The following RNF111 variants were observed in gnomAD, a reference collection of about 807,000 sequenced individuals.
The protein encoded by RNF111 is E3 ubiquitin-protein ligase Arkadia.
RNF111 carries 17 observed loss-of-function variants against 95.1 expected under a neutral mutation model. The observed-to-expected ratio is 0.18, with a 90% confidence interval of 0.12 to 0.27. The LOEUF (loss-of-function observed/expected upper bound fraction) is 0.27. Ranked by LOEUF, RNF111 falls within the 10% of genes least tolerant of loss-of-function variation. The pLI is 1.00. For missense variants in RNF111, 1,189 were observed against 1,210.4 expected (o/e 0.98, Z 0.26); for synonymous variants, 440 against 414.8 (o/e 1.06, Z -0.74).
chr15:59,091,211 T>C (rs1426137177), intron 12 of RNF111, 57 bp downstream of exon 12: 2 of 947,608 alleles, frequency 2.1e-6, no homozygotes, highest in Non-Finnish European at 3.3e-6. Flanking sequence ...AAATGTAATA[T>C]ATACCTTTTT....
intron 3 of RNF111, among the ~76,000 whole-genome samples, chr15:59,054,933 G>A (rs144955486): frequency 5.7e-4 from 86 of 152,190 alleles, no homozygotes; most frequent in Middle Eastern, 3.4e-3. Context: ...TGGAGCCTTA[G>A]GACTGCATAT....
chr15:59,001,787 A>G (rs569520723), intron 1 of RNF111, among the ~76,000 whole-genome samples: 5 of 152,338 alleles, frequency 3.3e-5, no homozygotes, highest in South Asian at 2.1e-4. Context: ...TGTTTAAAGA[A>G]CTAAGTACAG....
At position 59,095,340 on chromosome 15, in the gene RNF111, A is replaced by C. The variant is rs1465262044; in HGVS notation, c.*440A>C. ...ATCATGTACTTTAGTTTAATGTATA[A>C]AGATCCTCTAGAAAATGATAATATT... On this transcript the variant is annotated 3_prime_UTR_variant, in exon 14 of 14. Coordinates refer to ENST00000348370, the MANE Select transcript of RNF111 (RefSeq NM_017610.8). 5.9e-5 allele frequency: 10 copies of C among 168,854 alleles called. No individual in the cohort carries two copies. The highest frequency in any genetic ancestry group is 1.7e-4 in the African/African-American group (7 of 41,536). 10.5% of individuals were successfully genotyped at this position (168,854 alleles called of 1,614,324 possible).
In RNF111 at chr15:59,030,928, A is replaced by T. The variant is rs202096125; in HGVS notation, c.106A>T (p.Ile36Phe). The stretch of plus-strand genomic sequence containing the variant: ...AAAGACACAGGAGAGTCTGAAAGGG[A>T]TCCTTTTGCATCCAGAGCCCATTGG... ...APKTQESLKG[I>F]LLHPEPIGAA... Residue 36 changes from isoleucine to phenylalanine, a missense_variant, in exon 2 of 14, where the codon ATC (isoleucine) becomes TTC (phenylalanine). By Grantham distance (21) the Ile-to-Phe change is conservative. This residue lies in a region of RNF111 where 1,024 missense variants were observed against 925.9 expected (regional missense o/e 1.11). Coordinates refer to ENST00000348370, the MANE Select transcript of RNF111 (RefSeq NM_017610.8). The T allele has an allele frequency of 4.9e-4, 797 of 1,614,218 alleles. 8 individuals carry two copies. In the Admixed American group the frequency reaches 0.012, roughly 24 times the overall value.
chr15:59,015,335 T>C (rs959644737), intron 1 of RNF111, among the ~76,000 whole-genome samples: 5 of 152,206 alleles, frequency 3.3e-5, no homozygotes, highest in Non-Finnish European at 7.3e-5. Flanking sequence ...AATTTTTATT[T>C]TATCATTCTT....
Position 59,025,834 on chromosome 15 carries a change from G to A in RNF111, c.-19-4970G>A, listed in dbSNP as rs368538432. On this transcript the variant is annotated intron_variant, in intron 1 of 13. Transcript: ENST00000348370. ...CAACCGCTGCCTTGCGGATTCAAGC[G>A]ATTCTCCTGCCTCAGCCTCCCGAGT... Among the ~76,000 whole-genome samples the A allele has an allele frequency of 5.7e-4, 86 of 152,020 alleles. 2 individuals carry two copies. In the South Asian group the frequency reaches 0.017, roughly 29 times the overall value.
intron 2 of RNF111, among the ~76,000 whole-genome samples, chr15:59,042,073 C>T (rs1056107725): frequency 6.6e-6 from 1 of 150,942 alleles, no homozygotes; most frequent in African/African-American, 2.4e-5. Flanking sequence ...ATAATACACA[C>T]ATTTTTCACA....
chr15:59,058,875 A>G (rs1198765354), intron 5 of RNF111, among the ~76,000 whole-genome samples: 1 of 152,222 alleles, frequency 6.6e-6, no homozygotes, highest in African/African-American at 2.4e-5. Flanking sequence ...GCATTAAAGG[A>G]TATTATCAAG....
At chr15:59,027,631 C>T (rs1249219512) in intron 1 of RNF111, among the ~76,000 whole-genome samples, 3 of 151,832 alleles carry the variant, frequency 2.0e-5, no homozygotes, top group East Asian at 1.9e-4. Context: ...TGGGTTCAAG[C>T]GATTCTGCTG....
At position 59,073,711 on chromosome 15, in the gene RNF111, A is replaced by G. The variant is rs2043045192; in HGVS notation, c.1687-2243A>G. 2.0e-5 allele frequency among the ~76,000 whole-genome samples: 3 copies of G among 152,134 alleles called. No homozygotes were observed. In the South Asian group the frequency reaches 6.2e-4, roughly 32 times the overall value. On this transcript the variant is annotated intron_variant, in intron 6 of 13. Transcript: ENST00000348370. ...CACTTCTTCCAAATTATTAATGTTAATATTTTGACTGCCTTCCATGAACCA... is the reference window on the plus strand; with the variant it reads ...CACTTCTTCCAAATTATTAATGTTAGTATTTTGACTGCCTTCCATGAACCA...
In RNF111 at chr15:59,095,596, C is replaced by A. The variant is rs1300844328; in HGVS notation, c.*696C>A. 6.4e-6 allele frequency: 1 copy of A among 156,794 alleles called. No homozygotes were observed. The highest frequency in any genetic ancestry group is 1.4e-5 in the Non-Finnish European group (1 of 71,068). 9.7% of individuals were successfully genotyped at this position (156,794 alleles called of 1,614,324 possible). A position where few individuals can be genotyped will look rare whatever the true frequency, so the allele number is the denominator to read the frequency against. On this transcript the variant is annotated 3_prime_UTR_variant, in exon 14 of 14. Coordinates refer to ENST00000348370, the MANE Select transcript of RNF111 (RefSeq NM_017610.8). ...ATATTGATATCATACATTTAGACTG[C>A]TGTTCTGATTGCATTTATCTTTTTC...
intron 1 of RNF111, among the ~76,000 whole-genome samples, chr15:59,025,217 G>GTT (rs1359571174): frequency 6.6e-6 from 1 of 152,140 alleles, no homozygotes; most frequent in East Asian, 1.9e-4. Context: ...TTTCATAGCA[G>GTT]TTATCGTGAG....
intron 2 of RNF111, among the ~76,000 whole-genome samples, chr15:59,035,493 C>T (rs1033589334): frequency 5.3e-5 from 8 of 152,136 alleles, no homozygotes; most frequent in East Asian, 3.8e-4. Flanking sequence ...TAATTATACC[C>T]GTTAATATTT....
chr15:59,023,017 C>T (rs896318152), intron 1 of RNF111, among the ~76,000 whole-genome samples: 12 of 152,104 alleles, frequency 7.9e-5, no homozygotes, highest in Admixed American at 5.2e-4. Context: ...GAGGCCGAGG[C>T]GGGAGGATCA....
rs987319394 is a variant in RNF111 at position 58,992,796 on chromosome 15, G to A, written c.-20+4728G>A. Among the ~76,000 whole-genome samples the A allele has an allele frequency of 4.6e-5, 7 of 152,012 alleles. 1 individual carries two copies. The highest frequency in any genetic ancestry group is 8.8e-5 in the Non-Finnish European group (6 of 68,020). ...GATTGTGCCACTGCATTCCAGCCTC[G>A]GTGACAAAGCCAGACCCTATCTCAA... On this transcript the variant is annotated intron_variant, in intron 1 of 13. Transcript: ENST00000348370.
At chr15:59,061,544 A>C (rs2042438844) in intron 5 of RNF111, among the ~76,000 whole-genome samples, 2 of 152,192 alleles carry the variant, frequency 1.3e-5, no homozygotes, top group Non-Finnish European at 2.9e-5. Context: ...TGAATAAATG[A>C]AAGTTCTTAA....
intron 7 of RNF111, among the ~76,000 whole-genome samples, chr15:59,078,806 C>G (rs1215639897): frequency 6.6e-6 from 1 of 150,746 alleles, no homozygotes; most frequent in African/African-American, 2.4e-5. Context: ...TTGCAGTGAG[C>G]TGAGATCACA....
intron 2 of RNF111, among the ~76,000 whole-genome samples, chr15:59,044,719 A>G (rs1460297884): frequency 6.6e-6 from 1 of 152,226 alleles, no homozygotes; most frequent in Non-Finnish European, 1.5e-5. Flanking sequence ...AAAAGATAAA[A>G]TGAAAATAAA....
chr15:59,055,433 T>C (rs1197996975), intron 3 of RNF111, among the ~76,000 whole-genome samples: 2 of 152,188 alleles, frequency 1.3e-5, no homozygotes, highest in African/African-American at 4.8e-5. Context: ...AAAGTAACCA[T>C]GGAAGAGAGA....
Sources: allele counts gnomAD v4.1 joint callset (sites outside exome capture counted in the v4.1 genomes callset), GRCh38; gene constraint gnomAD v4.1.1; regional missense constraint gnomAD v4.1.1; transcripts MANE v1.5; gene names NCBI Gene and HGNC (gene_info 2026-07-23, HGNC 2026-07-21).